Variants in ACBD5 observed in about 807,000 individuals in gnomAD.
The protein encoded by ACBD5 is acyl-CoA binding domain containing 5, also known as acyl-CoA-binding domain-containing protein 5.
ACBD5 carries 40 observed loss-of-function variants against 71.8 expected under a neutral mutation model. The ratio of observed to expected loss-of-function variants is 0.56; its 90% confidence interval spans 0.43 to 0.72. The LOEUF (loss-of-function observed/expected upper bound fraction) is 0.72. Among genes scored for constraint, ACBD5 ranks in the 30% least tolerant of loss-of-function variants. The pLI is 0.00. For missense variants in ACBD5, 559 were observed against 644.5 expected, an observed-to-expected ratio of 0.87 and a Z score of 1.44; for synonymous variants, 229 against 218.6, an observed-to-expected ratio of 1.05 and a Z score of -0.42.
Position 27,210,856 on chromosome 10 carries a change from C to T in ACBD5, c.1162G>A (p.Gly388Ser). ...TTAGAGAATTCGTCAGTTTCTCCGC[C>T]TCGCTTCTCCCGGTGTGGTGCTCCG... ...NSGAPHREKR[G>S]GETDEFSNVR... The change falls in exon 9 of 13, where the codon GGC (glycine) becomes AGC (serine). Residue 388 changes from glycine (G) to serine (S), a missense_variant. Physicochemically the swap from Gly to Ser is moderately conservative, Grantham distance 56 (BLOSUM62 0). Coordinates refer to ENST00000396271, the MANE Select transcript of ACBD5 (RefSeq NM_145698.5). 2 of 1,614,216 alleles carry T rather than the reference C, an allele frequency of 1.2e-6. No homozygotes were observed. The highest frequency in any genetic ancestry group is 4.5e-5 in the East Asian group (2 of 44,894).
intron 4 of ACBD5, among the ~76,000 whole-genome samples, chr10:27,228,804 TATATA>T (rs2063426113): frequency 2.2e-4 from 1 of 4,650 alleles, no homozygotes; most frequent in Admixed American, 4.1e-3. Flanking sequence ...TATATATATA[TATATA>T]TATATATTTT....
chr10:27,215,665 T>C, intron 7 of ACBD5, 24 bp from the exon 8 acceptor site: 5 of 1,517,026 alleles, frequency 3.3e-6, no homozygotes, highest in African/African-American at 1.4e-5. Context: ...AAAGTGCAGA[T>C]AGGGTAATTA....
rs546696528 is a variant in ACBD5 at position 27,195,465 on chromosome 10, T to C, written c.*1965A>G. The stretch of plus-strand genomic sequence containing the variant: ...CTAGGAGTTAGTTATCCCAGACTGC[T>C]TGTAATGATTCACAACTGCTTACAC... On this transcript the variant is annotated 3_prime_UTR_variant, in exon 13 of 13. Transcript: ENST00000396271. The C allele has an allele frequency of 2.2e-6, 1 of 454,438 alleles. No homozygotes were observed. The highest frequency in any genetic ancestry group is 6.9e-5 in the East Asian group (1 of 14,396). The allele number at this position is 454,438 out of a possible 1,614,324, so 28.2% of individuals were successfully genotyped here.
chr10:27,227,987 A>C (rs2063304367), intron 4 of ACBD5, among the ~76,000 whole-genome samples: 1 of 151,854 alleles, frequency 6.6e-6, no homozygotes, highest in Admixed American at 6.6e-5. Flanking sequence ...TGCTGGGATT[A>C]CAGGCATGAG....
chr10:27,205,233 A>T lies in ACBD5; in HGVS notation c.1420T>A (p.Ser474Thr). The change falls in exon 11 of 13, where the codon TCA (serine) becomes ACA (threonine). Residue 474 changes from serine to threonine, a missense_variant. Physicochemically the swap from Ser to Thr is moderately conservative, Grantham distance 58. Coordinates refer to ENST00000396271, the MANE Select transcript of ACBD5 (RefSeq NM_145698.5). Reference protein sequence around the residue: ...LTALQAKSSTSTLQTAPQPTS... With the variant: ...LTALQAKSSTTTLQTAPQPTS... ...GGCTGAGGAGCAGTCTGCAATGTTG[A>T]TGTTGATGATTTTGCCTGTAAATGC... 6.2e-7 allele frequency: 1 copy of T among 1,613,312 alleles called. No individual in the cohort carries two copies. Among genetic ancestry groups the T allele is most frequent in the Non-Finnish European group, 8.5e-7 (1 of 1,179,718 alleles).
At chr10:27,193,114 CGTGTGTGTGTGTGT>C (rs58983291), downstream of ACBD5, among the ~76,000 whole-genome samples, 5,215 of 80,222 alleles carry the variant, frequency 0.065, 351 homozygotes, top group East Asian at 0.24. Context: ...TTCCTTCCTT[CGTGTGTGTGTGTGT>C]GTGTGTGTGT....
intron 5 of ACBD5, among the ~76,000 whole-genome samples, chr10:27,222,427 T>C (rs1211471212): frequency 7.6e-6 from 1 of 131,048 alleles, no homozygotes; most frequent in Non-Finnish European, 1.6e-5. Context: ...AAAAAAAAAA[T>C]AGAAGTTGTA....
chr10:27,198,640 C>A (rs1021398222), intron 12 of ACBD5, among the ~76,000 whole-genome samples: 8 of 152,134 alleles, frequency 5.3e-5, no homozygotes, highest in Non-Finnish European at 1.2e-4. Context: ...AAACAGGCCC[C>A]TGGAGGAAGA....
chr10:27,240,409 G>T lies in ACBD5; in HGVS notation c.91C>A (p.His31Asn). The T allele has an allele frequency of 6.2e-7, 1 of 1,614,120 alleles. No homozygotes were observed. The highest frequency in any genetic ancestry group is 8.5e-7 in the Non-Finnish European group (1 of 1,180,032). Residue 31 changes from histidine (H) to asparagine (N), a missense_variant, in exon 2 of 13, where the codon CAC becomes AAC. Transcript: ENST00000396271. This position sits in a 1 kb window ranked among gnomAD's most constrained non-coding sequence, Gnocchi z 4.1. The stretch of plus-strand genomic sequence containing the variant: ...GTGTCCGCCATCTCCAGCTGCCAGT[G>T]TTGGCCCCGGTCCCAAGGTCTGTCG... ...PADRPWDRGQ[H>N]WQLEMADTRS...
chr10:27,194,156 C>A (rs980264551), downstream of ACBD5, among the ~76,000 whole-genome samples: 1 of 151,484 alleles, frequency 6.6e-6, no homozygotes, highest in African/African-American at 2.4e-5. Context: ...GAGGCTGAGG[C>A]AGGAGAATCA....
chr10:27,212,811 A>G (rs2061247676), intron 8 of ACBD5, among the ~76,000 whole-genome samples: 1 of 152,122 alleles, frequency 6.6e-6, no homozygotes, highest in Non-Finnish European at 1.5e-5. Context: ...GGCCTCCCAC[A>G]GTGTTGGGAT....
chr10:27,189,649 G>C (rs1029225046), intron 13 of ACBD5, among the ~76,000 whole-genome samples: 3 of 148,664 alleles, frequency 2.0e-5, no homozygotes, highest in African/African-American at 7.5e-5. Flanking sequence ...ATAGCATTAG[G>C]AGATATACCT....
At chr10:27,202,083 T>G (rs1382344785) in intron 12 of ACBD5, among the ~76,000 whole-genome samples, 1 of 152,104 alleles carries the variant, frequency 6.6e-6, no homozygotes, top group African/African-American at 2.4e-5. Flanking sequence ...TTCTAGACCT[T>G]TCTTCTCATC....
intron 12 of ACBD5, among the ~76,000 whole-genome samples, chr10:27,198,245 G>A (rs988873456): frequency 1.3e-5 from 2 of 152,188 alleles, no homozygotes; most frequent in Non-Finnish European, 2.9e-5. Flanking sequence ...AGTTTAGGTG[G>A]TGGGGGAGGA....
At chr10:27,204,390 T>C (rs2060247739) in intron 12 of ACBD5, 50 bp downstream of exon 12, 1 of 1,379,568 alleles carries the variant, frequency 7.2e-7, no homozygotes, top group South Asian at 1.2e-5. Flanking sequence ...CTCTGTCTAC[T>C]ATAGGTTATG....
At chr10:27,189,226 T>A (rs550775033) in intron 13 of ACBD5, among the ~76,000 whole-genome samples, 18 of 152,226 alleles carry the variant, frequency 1.2e-4, no homozygotes, top group Non-Finnish European at 2.2e-4. Flanking sequence ...AATGTATTGT[T>A]CTTTGTTGGC....
chr10:27,237,621 C>CTTTTTT (rs60724833), intron 2 of ACBD5, among the ~76,000 whole-genome samples: 22 of 133,652 alleles, frequency 1.6e-4, no homozygotes, highest in Non-Finnish European at 3.0e-4. Context: ...GATAGGATAT[C>CTTTTTT]TTTTTTTTTT....
At chr10:27,208,981 A>T (rs1277745156) in intron 9 of ACBD5, among the ~76,000 whole-genome samples, 1 of 152,228 alleles carries the variant, frequency 6.6e-6, no homozygotes, top group Non-Finnish European at 1.5e-5. Flanking sequence ...TCTATAATAT[A>T]CATAATATAC....
intron 3 of ACBD5, among the ~76,000 whole-genome samples, chr10:27,233,674 T>C (rs546754098): frequency 6.6e-6 from 1 of 151,568 alleles, no homozygotes; most frequent in African/African-American, 2.4e-5. Context: ...GCCATGATGG[T>C]GCCACTACAC....
Sources: gnomAD v4.1 joint callset for allele counts (sites outside exome capture counted in the v4.1 genomes callset) on GRCh38, gnomAD v4.1.1 for gene constraint, Gnocchi (gnomAD v3.1) non-coding constraint, MANE v1.5 for transcripts, NCBI Gene and HGNC (gene_info 2026-07-23, HGNC 2026-07-21) for gene names.